Variants in TRIM2 observed in about 807,000 individuals in gnomAD.
TRIM2 encodes tripartite motif containing 2.
TRIM2 carries 20 observed loss-of-function variants against 75.2 expected under a neutral mutation model. The observed-to-expected ratio is 0.27, with a 90% confidence interval of 0.19 to 0.39. TRIM2 has a LOEUF of 0.39. Among genes scored for constraint, TRIM2 ranks in the 10% least tolerant of loss-of-function variants. The pLI is 1.00. For missense variants in TRIM2, 660 were observed against 990.8 expected (o/e 0.67, Z 4.48); for synonymous variants, 373 against 388.3 (o/e 0.96, Z 0.46).
rs948869840 is a variant in TRIM2, at chr4:153,239,338, C to T, written c.31-30997C>T. ...CTGCACTCCAGCCTAGGAGACACAG[C>T]GTGACTCCGTCTCAAAAAAAAAAAA... is the stretch of plus-strand genomic sequence containing the variant. On this transcript the variant is annotated intron_variant, in intron 1 of 11. Coordinates refer to ENST00000338700, the MANE Select transcript of TRIM2 (RefSeq NM_015271.5). Among the ~76,000 whole-genome samples the T allele has an allele frequency of 3.6e-5, 5 of 138,562 alleles. No individual in the cohort carries two copies. In the Admixed American group the frequency reaches 3.6e-4, roughly 10 times the overall value. The allele number at this position is 138,562 out of a possible 152,430, so 90.9% of individuals were successfully genotyped here. A position where few individuals can be genotyped will look rare whatever the true frequency, so the allele number is the denominator to read the frequency against.
upstream of TRIM2, among the ~76,000 whole-genome samples, chr4:153,200,724 AATAT>A (rs1328920767): frequency 3.5e-4 from 48 of 138,120 alleles, no homozygotes; most frequent in East Asian, 1.6e-3. Context: ...AAGAAAAAAA[AATAT>A]ATATATATAT....
intron 1 of TRIM2, among the ~76,000 whole-genome samples, chr4:153,196,350 T>C (rs1475614678): frequency 6.6e-6 from 1 of 151,910 alleles, no homozygotes; most frequent in East Asian, 1.9e-4. Context: ...GGCGGGAGGA[T>C]TGCTTGAGCC....
At chr4:153,214,384 CT>C (rs1168109118) in intron 1 of TRIM2, among the ~76,000 whole-genome samples, 1 of 152,300 alleles carries the variant, frequency 6.6e-6, no homozygotes, top group Admixed American at 6.5e-5. Flanking sequence ...GGGTCAAACT[CT>C]TTTCTGTCCA....
rs1328922542 is a variant in TRIM2 at position 153,273,363 on chromosome 4, C to T, written c.216-2530C>T. Among the ~76,000 whole-genome samples, 67 of 146,752 alleles carry T rather than the reference C, an allele frequency of 4.6e-4. 1 individual carries two copies. Among genetic ancestry groups the T allele is most frequent in the Middle Eastern group, 3.5e-3 (1 of 286 alleles). ...CGATCTCGGCTCACTGCAAGCTCCA[C>T]CTCCCGGGTTCACGCCATTCTCCTG... On this transcript the variant is annotated intron_variant, in intron 2 of 11. Coordinates refer to ENST00000338700, the MANE Select transcript of TRIM2 (RefSeq NM_015271.5).
chr4:153,179,981 C>T (rs1041336143), intron 1 of TRIM2, among the ~76,000 whole-genome samples: 4 of 152,136 alleles, frequency 2.6e-5, no homozygotes, highest in African/African-American at 9.7e-5. Context: ...CTGGAGTTTT[C>T]GTCTAAACCA....
intron 6 of TRIM2, among the ~76,000 whole-genome samples, chr4:153,304,533 C>A (rs534262646): frequency 1.3e-5 from 2 of 152,096 alleles, no homozygotes; most frequent in South Asian, 4.1e-4. Flanking sequence ...AAGTGAGAAA[C>A]TGAGTAGTTT....
chr4:153,282,462 G>A lies in TRIM2; in HGVS notation c.453+6332G>A, dbSNP rs181125015. Among the ~76,000 whole-genome samples, 183 of 152,274 alleles carry A rather than the reference G, an allele frequency of 1.2e-3. 1 individual carries two copies. The highest frequency in any genetic ancestry group is 4.0e-3 in the African/African-American group (168 of 41,536). ...TGGTGGCTCACTTTGGGAGGCCAAG[G>A]CAGGAGGATCACTTGAGGCCAGGAG... On this transcript the variant is annotated intron_variant, in intron 3 of 11. Coordinates refer to ENST00000338700, the MANE Select transcript of TRIM2 (RefSeq NM_015271.5).
intron 1 of TRIM2, among the ~76,000 whole-genome samples, chr4:153,244,355 CTCTTCTTCTTCTTCTTCTTCTTCT>C (rs1209366783): frequency 2.4e-4 from 3 of 12,702 alleles, no homozygotes; most frequent in Admixed American, 1.6e-3. Flanking sequence ...CTTCTTCTTC[CTCTTCTTCTTCTTCTTCTTCTTCT>C]TCTTCTTCTT....
intron 6 of TRIM2, among the ~76,000 whole-genome samples, chr4:153,311,878 A>C (rs894903988): frequency 1.4e-5 from 2 of 142,072 alleles, no homozygotes; most frequent in African/African-American, 5.2e-5. Flanking sequence ...GTTTTTGATA[A>C]ATGAAGTTTT....
At chr4:153,280,539 C>T (rs1759085305) in intron 3 of TRIM2, among the ~76,000 whole-genome samples, 1 of 152,022 alleles carries the variant, frequency 6.6e-6, no homozygotes, top group African/African-American at 2.4e-5. Flanking sequence ...AACATGCTAC[C>T]ATGCCTGGCT....
At chr4:153,303,617 A>C (rs1338278089) in intron 6 of TRIM2, among the ~76,000 whole-genome samples, 1 of 152,268 alleles carries the variant, frequency 6.6e-6, no homozygotes, top group Non-Finnish European at 1.5e-5. Flanking sequence ...GAAATCATTC[A>C]AAGCCAATCA....
At chr4:153,199,368 A>G (rs1365362345) in intron 1 of TRIM2, among the ~76,000 whole-genome samples, 1 of 152,214 alleles carries the variant, frequency 6.6e-6, no homozygotes, top group Admixed American at 6.5e-5. Context: ...TTAATGAAAT[A>G]TATGCTGAAA....
intron 3 of TRIM2, among the ~76,000 whole-genome samples, chr4:153,290,554 G>C (rs910752521): frequency 6.6e-6 from 1 of 152,174 alleles, no homozygotes; most frequent in Admixed American, 6.5e-5. Flanking sequence ...CAAATGACCA[G>C]TATTATAGTC....
chr4:153,295,442 G>A lies in TRIM2; in HGVS notation c.916G>A (p.Glu306Lys). ...CCTACTGGTGAAGAAGCAGATGAGC[G>A]AGAAGCTGAACGAGCTGGCCGACCA... is the stretch of plus-strand genomic sequence containing the variant. ...EVLLVKKQMS[E>K]KLNELADQDF... Residue 306 changes from glutamate to lysine, a missense_variant, in exon 6 of 12, where the codon GAG becomes AAG. By Grantham distance (56) the Glu-to-Lys change is moderately conservative. This residue lies in a region of TRIM2 where 620 missense variants were observed against 891.0 expected (regional missense o/e 0.70). Coordinates refer to ENST00000338700, the MANE Select transcript of TRIM2 (RefSeq NM_015271.5). This position sits in a 1 kb window ranked among gnomAD's most constrained non-coding sequence, Gnocchi z 7.2. 6.2e-7 allele frequency: 1 copy of A among 1,614,204 alleles called. No individual in the cohort carries two copies. The highest frequency in any genetic ancestry group is 8.5e-7 in the Non-Finnish European group (1 of 1,180,024).
At chr4:153,314,172 A>G (rs1767021425) in intron 6 of TRIM2, among the ~76,000 whole-genome samples, 1 of 151,698 alleles carries the variant, frequency 6.6e-6, no homozygotes, top group South Asian at 2.1e-4. Flanking sequence ...TATTCTTTTA[A>G]AAGAGAGTCT....
intron 1 of TRIM2, among the ~76,000 whole-genome samples, chr4:153,163,344 C>A (rs1729933075): frequency 6.6e-6 from 1 of 151,986 alleles, no homozygotes; most frequent in South Asian, 2.1e-4. Flanking sequence ...AGCCACCATG[C>A]CTGGCTAATT....
At position 153,293,071 on chromosome 4, in the gene TRIM2, C is replaced by G. The variant is rs1762135366; in HGVS notation, c.543C>G (p.Leu181=). The G allele has an allele frequency of 6.2e-7, 1 of 1,613,606 alleles. No homozygotes were observed. Among genetic ancestry groups the G allele is most frequent in the South Asian group, 1.1e-5 (1 of 91,054 alleles). The part of the protein sequence containing the change: ...GEHAEHPTVP[L]KDVVEQHKAS... ...ACGCAGAGCACCCCACAGTTCCACT[C>G]AAGGATGTGGTGGAACAGCACAAGG... Residue 181 remains leucine, a synonymous_variant, in exon 4 of 12, where the codon CTC becomes CTG. Transcript: ENST00000338700.
At position 153,155,089 on chromosome 4, in the gene TRIM2, G is replaced by A. The variant is rs554060876; in HGVS notation, c.-49+1819G>A. On this transcript the variant is annotated intron_variant, in intron 1 of 11. Transcript: ENST00000437508. Reference sequence around the variant, plus strand: ...CAGGAGGCAGAGGTTGCAGTGAGCCGAGATCACACCATTGCACTCCAGCCT... The same window carrying A: ...CAGGAGGCAGAGGTTGCAGTGAGCCAAGATCACACCATTGCACTCCAGCCT... 7.3e-5 allele frequency among the ~76,000 whole-genome samples: 11 copies of A among 151,614 alleles called. No homozygotes were observed. The East Asian group carries it at 7.8e-4, about 11-fold the overall frequency.
chr4:153,193,528 G>A (rs1733448776), intron 1 of TRIM2, among the ~76,000 whole-genome samples: 1 of 152,142 alleles, frequency 6.6e-6, no homozygotes, highest in Admixed American at 6.5e-5. Flanking sequence ...ATTTTATGGA[G>A]AATGTATATA....
Sources: allele counts gnomAD v4.1 joint callset (sites outside exome capture counted in the v4.1 genomes callset), GRCh38; gene constraint gnomAD v4.1.1; regional missense constraint gnomAD v4.1.1; non-coding constraint Gnocchi (gnomAD v3.1); transcripts MANE v1.5; gene names NCBI Gene and HGNC (gene_info 2026-07-23, HGNC 2026-07-21).